The following PAXBP1 variants were observed in gnomAD, a reference collection of about 807,000 sequenced individuals.
PAXBP1 encodes the protein PAX3- and PAX7-binding protein 1.
Under a neutral mutation model 119.9 loss-of-function variants are expected in PAXBP1, and 44 were observed. The ratio of observed to expected loss-of-function variants is 0.37; its 90% CI spans 0.29 to 0.47. The LOEUF (loss-of-function observed/expected upper bound fraction) is 0.47, where lower values mean the gene tolerates loss of function less well. Ranked by LOEUF, PAXBP1 falls within the 20% of genes least tolerant of loss-of-function variation. The probability of loss-of-function intolerance (pLI) is 0.99; values close to 1 mark genes in which losing one functional copy is unlikely to be tolerated. For synonymous variants in PAXBP1, 393 were observed against 406.6 expected, an observed-to-expected ratio of 0.97 and a Z score of 0.40; for missense variants, 898 against 1,134.1, an observed-to-expected ratio of 0.79 and a Z score of 2.99.
intron 8 of PAXBP1, chr21:32,751,458 A>G (rs1199685914): frequency 2.7e-6 from 1 of 376,676 alleles, no homozygotes; most frequent in African/African-American, 2.0e-5. Flanking sequence ...ACAACCCTAC[A>G]AATATGTAAT....
chr21:32,743,144 T>C (rs2298365), intron 15 of PAXBP1, 104 bp downstream of exon 15: 60,302 of 845,846 alleles, frequency 0.071, 2,774 homozygotes, highest in South Asian at 0.14. Flanking sequence ...TAGATATAAA[T>C]AGATCTAAGC....
At chr21:32,751,800 A>G (rs1252844820) in intron 8 of PAXBP1, 1 of 152,206 alleles carries the variant, frequency 6.6e-6, no homozygotes, top group Non-Finnish European at 1.5e-5. Context: ...TTTCTCTTTC[A>G]CAGCATAGTT....
At chr21:32,759,602 A>G in intron 6 of PAXBP1, 175 bp downstream of exon 6, 2 of 651,808 alleles carry the variant, frequency 3.1e-6, no homozygotes, top group Non-Finnish European at 5.2e-6. Flanking sequence ...AGGCTTCCAC[A>G]GAAGTAATCC....
chr21:32,764,354 G>T lies in PAXBP1; in HGVS notation c.643C>A (p.Arg215Ser), dbSNP rs750512469. 3.1e-5 allele frequency: 50 copies of T among 1,613,604 alleles called. No homozygotes were observed. The highest frequency in any genetic ancestry group is 4.1e-5 in the Non-Finnish European group (48 of 1,179,802). ...SNALSSLNVL[R>S]PGEIPDAAFI... is the part of the protein sequence containing the mutation. ...AATACTTTTGAGTACACACCTGGAC[G>T]AAGAACATTCAATGAAGATAAAGCA... The change falls in exon 3 of 18, where the codon CGT becomes AGT. Residue 215 changes from arginine (R) to serine (S), a missense_variant. Physicochemically the swap from Arg to Ser is moderately radical, Grantham distance 110 (BLOSUM62 -1). Transcript: ENST00000331923.
chr21:32,765,714 C>CTTT (rs112471797), intron 2 of PAXBP1, among the ~76,000 whole-genome samples: 1 of 146,690 alleles, frequency 6.8e-6, no homozygotes, highest in South Asian at 2.1e-4. Context: ...CATTTTTTTT[C>CTTT]TTTTTTTTTT....
In PAXBP1 at chr21:32,771,721, A is replaced by T. The variant is rs2044363059; in HGVS notation, c.-53T>A. The T allele has an allele frequency of 3.0e-6, 4 of 1,325,324 alleles. No individual in the cohort carries two copies. Among genetic ancestry groups the T allele is most frequent in the Non-Finnish European group, 3.9e-6 (4 of 1,034,346 alleles). The allele number at this position is 1,325,324 out of a possible 1,614,324, so 82.1% of individuals were successfully genotyped here. A position where few individuals can be genotyped will look rare whatever the true frequency, so the allele number is the denominator to read the frequency against. On this transcript the variant is annotated 5_prime_UTR_variant, in exon 1 of 18. Coordinates refer to ENST00000331923, the MANE Select transcript of PAXBP1 (RefSeq NM_016631.4). ...CTCGCTTCCACACCGCGGCCCCGGC[A>T]GCGCCGAGCTCGTGACGGCGCACGC...
In PAXBP1 at chr21:32,759,940, T is replaced by A; in HGVS notation, c.1030A>T (p.Thr344Ser). Reference sequence around the variant, plus strand: ...CCATAGGATGAGCCGTAAGGCATTGTCTGGTAAGTGTTCTGGTAGTACATA... The same window carrying A: ...CCATAGGATGAGCCGTAAGGCATTGACTGGTAAGTGTTCTGGTAGTACATA... ...VNMYYQNTYQ[T>S]MPYGSSYGIP... is the part of the protein sequence containing the mutation. The change falls in exon 6 of 18, where the codon ACA becomes TCA. Residue 344 changes from threonine (T) to serine (S), a missense_variant. Physicochemically the swap from Thr to Ser is moderately conservative, Grantham distance 58. Transcript: ENST00000331923. 1 of 1,614,150 alleles carries A rather than the reference T, an allele frequency of 6.2e-7. No individual in the cohort carries two copies. The highest frequency in any genetic ancestry group is 1.1e-5 in the South Asian group (1 of 91,082).
chr21:32,749,681 G>A lies in PAXBP1; in HGVS notation c.1724-983C>T, dbSNP rs980294948. On this transcript the variant is annotated intron_variant, in intron 10 of 17. Coordinates refer to ENST00000331923, the MANE Select transcript of PAXBP1 (RefSeq NM_016631.4). Reference sequence around the variant, plus strand: ...GCATCCTGTATAAATTATTCTTGGGGAAGAAAAAAAAAAAGTTTAACTTAA... The same window carrying A: ...GCATCCTGTATAAATTATTCTTGGGAAAGAAAAAAAAAAAGTTTAACTTAA... 7.3e-5 allele frequency among the ~76,000 whole-genome samples: 11 copies of A among 150,728 alleles called. No individual in the cohort carries two copies. The South Asian group carries it at 2.1e-3, about 28-fold the overall frequency.
intron 8 of PAXBP1, chr21:32,751,578 A>T (rs1246761116): frequency 6.2e-6 from 1 of 162,018 alleles, no homozygotes; most frequent in African/African-American, 2.4e-5. Context: ...AGGGAAAAAT[A>T]TTACATTTTT....
intron 13 of PAXBP1, 126 bp downstream of exon 13, chr21:32,744,666 C>G: frequency 9.9e-7 from 1 of 1,015,194 alleles, no homozygotes; most frequent in Non-Finnish European, 1.4e-6. Context: ...CTTTAATGGC[C>G]CTGATGGCCC....
At chr21:32,766,040 C>A (rs1205518532) in intron 2 of PAXBP1, among the ~76,000 whole-genome samples, 6 of 152,158 alleles carry the variant, frequency 3.9e-5, no homozygotes. Context: ...GAGGCTGAGG[C>A]AGGAGAATCG....
rs1289871935 is a variant in PAXBP1 at position 32,735,054 on chromosome 21, G to C, written c.2650C>G (p.Gln884Glu). 6.2e-7 allele frequency: 1 copy of C among 1,611,652 alleles called. No homozygotes were observed. The highest frequency in any genetic ancestry group is 1.7e-5 in the Admixed American group (1 of 59,746). Residue 884 changes from glutamine to glutamate, a missense_variant, in exon 18 of 18, where the codon CAG (glutamine) becomes GAG (glutamate). This residue lies in a region of PAXBP1 where 599 missense variants were observed against 852.7 expected (regional missense o/e 0.70). Coordinates refer to ENST00000331923, the MANE Select transcript of PAXBP1 (RefSeq NM_016631.4). ...EKRNARENIK[Q>E]IVKLLASVRA... ...ACACTTGCAAGGAGTTTTACTATCT[G>C]TTTTATGTTTTCCCTAAAAGAAAAA...
chr21:32,737,782 A>T (rs1281449053), intron 16 of PAXBP1, among the ~76,000 whole-genome samples: 2 of 152,214 alleles, frequency 1.3e-5, no homozygotes, highest in African/African-American at 4.8e-5. Flanking sequence ...AAATGAAATT[A>T]CAGCACCCCC....
At chr21:32,770,771 T>C (rs2146533559) in intron 1 of PAXBP1, among the ~76,000 whole-genome samples, 1 of 152,332 alleles carries the variant, frequency 6.6e-6, no homozygotes, top group East Asian at 1.9e-4. Flanking sequence ...GCTGGGTATC[T>C]GCTACCCCTA....
intron 5 of PAXBP1, 21 bp downstream of exon 5, chr21:32,761,038 A>G: frequency 6.4e-7 from 1 of 1,564,186 alleles, no homozygotes; most frequent in Non-Finnish European, 8.7e-7. Flanking sequence ...TTTAATTTTT[A>G]GTTTAATTCT....
At chr21:32,743,486 TGA>T (rs1190203798) in intron 14 of PAXBP1, among the ~76,000 whole-genome samples, 172 bp from the exon 15 acceptor site, 2 of 152,186 alleles carry the variant, frequency 1.3e-5, no homozygotes, top group African/African-American at 2.4e-5. Context: ...AAATTTATTC[TGA>T]GACACTCAGG....
At position 32,759,062 on chromosome 21, in the gene PAXBP1, G is replaced by A. The variant is rs1300359105; in HGVS notation, c.1383+18C>T. The A allele has an allele frequency of 2.5e-6, 4 of 1,611,918 alleles. No individual in the cohort carries two copies. The highest frequency in any genetic ancestry group is 3.4e-6 in the Non-Finnish European group (4 of 1,178,758). On this transcript the variant is annotated intron_variant, in intron 7 of 17. Coordinates refer to ENST00000331923, the MANE Select transcript of PAXBP1 (RefSeq NM_016631.4). ...AATTTTGCCTTATTCAAAGAGATTA[G>A]TATTTTTGCATTCTTACCTTTTCAC...
chr21:32,743,584 A>C, intron 14 of PAXBP1, 94 bp downstream of exon 14: 1 of 933,654 alleles, frequency 1.1e-6, no homozygotes, highest in African/African-American at 1.7e-5. Context: ...ACATGGGTGA[A>C]GTTTGTATTT....
At position 32,734,227 on chromosome 21, in the gene PAXBP1, A is replaced by T. The variant is rs140885839; in HGVS notation, c.*723T>A. ...GGCAGGGAGTAAAATCATGAATGAG[A>T]CAGGACGGTCAGCCCAAAACCATGC... On this transcript the variant is annotated 3_prime_UTR_variant, in exon 18 of 18. Transcript: ENST00000331923. The T allele has an allele frequency of 1.8e-3, 275 of 152,784 alleles. No homozygotes were observed. The highest frequency in any genetic ancestry group is 3.2e-3 in the Non-Finnish European group (217 of 68,044). The allele number at this position is 152,784 out of a possible 1,614,324, so 9.5% of individuals were successfully genotyped here.
Sources: allele counts gnomAD v4.1 joint callset (sites outside exome capture counted in the v4.1 genomes callset), GRCh38; gene constraint gnomAD v4.1.1; regional missense constraint gnomAD v4.1.1; transcripts MANE v1.5; gene names NCBI Gene and HGNC (gene_info 2026-07-23, HGNC 2026-07-21).